The following PLCG2 variants were observed in gnomAD, a reference collection of about 807,000 sequenced individuals.
PLCG2 encodes the protein 1-phosphatidylinositol 4,5-bisphosphate phosphodiesterase gamma-2.
A neutral mutation model predicts 175.6 loss-of-function variants in PLCG2; 69 were observed. That is an observed-to-expected ratio of 0.39 (90% CI 0.32 to 0.48). PLCG2 has a LOEUF of 0.48. Among genes scored for constraint, PLCG2 ranks in the 20% least tolerant of loss-of-function variants. PLCG2 has a pLI of 0.91. For synonymous variants in PLCG2, 827 were observed against 624.0 expected, an observed-to-expected ratio of 1.33 and a Z score of -4.85; for missense variants, 1,798 against 1,650.9, an observed-to-expected ratio of 1.09 and a Z score of -1.54.
chr16:81,881,842 G>C (rs777241487), intron 8 of PLCG2, among the ~76,000 whole-genome samples: 12 of 151,792 alleles, frequency 7.9e-5, no homozygotes, highest in Non-Finnish European at 1.8e-4. Context: ...GGTAGAGATG[G>C]GGTTTCACCA....
chr16:81,883,722 C>G (rs1485660651), intron 9 of PLCG2: 1 of 282,846 alleles, frequency 3.5e-6, no homozygotes, highest in African/African-American at 2.2e-5. Context: ...CCTTCCTTGA[C>G]TGATGGGAGG....
At chr16:81,948,803 G>C (rs1417076349) in intron 31 of PLCG2, among the ~76,000 whole-genome samples, 1 of 152,118 alleles carries the variant, frequency 6.6e-6, no homozygotes, top group African/African-American at 2.4e-5. Flanking sequence ...CATGACCCAA[G>C]AGTGTGACAT....
intron 2 of PLCG2, among the ~76,000 whole-genome samples, chr16:81,822,672 G>A (rs1234840663): frequency 2.1e-5 from 3 of 141,464 alleles, no homozygotes; most frequent in South Asian, 2.3e-4. Context: ...CAGGAGAATC[G>A]CTTGAACCCG....
chr16:81,784,852 G>A (rs1268421861), intron 1 of PLCG2, among the ~76,000 whole-genome samples: 1 of 152,116 alleles, frequency 6.6e-6, no homozygotes, highest in Non-Finnish European at 1.5e-5. Context: ...GGCCTGGGGA[G>A]CGCCTTCACT....
intron 26 of PLCG2, chr16:81,935,689 TC>T (rs1263212245): frequency 3.0e-6 from 3 of 985,204 alleles, no homozygotes; most frequent in Non-Finnish European, 3.6e-6. Context: ...ATGAGGCCTG[TC>T]CCCTTCCCTC....
chr16:81,854,490 A>G lies in PLCG2; in HGVS notation c.240A>G (p.Lys80=). 12 of 1,614,094 alleles carry G rather than the reference A, an allele frequency of 7.4e-6. No homozygotes were observed. Among genetic ancestry groups the G allele is most frequent in the Non-Finnish European group, 1.0e-5 (12 of 1,179,906 alleles). The part of the protein sequence containing the change: ...IKEIRPGKNS[K]DFERAKAVRQ... ...AAATCCGCCCAGGGAAGAACTCCAA[A>G]GATTTCGAGCGAGCAAAAGCAGTTC... Residue 80 remains lysine (K), a synonymous_variant, in exon 3 of 33, where the codon AAA becomes AAG. Coordinates refer to ENST00000564138, the MANE Select transcript of PLCG2 (RefSeq NM_002661.5).
intron 2 of PLCG2, among the ~76,000 whole-genome samples, chr16:81,803,210 A>G (rs568825577): frequency 7.0e-6 from 1 of 142,756 alleles, no homozygotes. Flanking sequence ...GCTCTGCCTC[A>G]TGGGTTCATG....
intron 3 of PLCG2, among the ~76,000 whole-genome samples, chr16:81,857,604 G>A (rs1906749772): frequency 6.6e-6 from 1 of 150,618 alleles, no homozygotes; most frequent in South Asian, 2.1e-4. Flanking sequence ...TTTTCCTCAG[G>A]GTGTGCTTGG....
At position 81,742,163 on chromosome 16, in the gene PLCG2, G is replaced by GT. The variant is rs1295355456; in HGVS notation, c.-145+2778_-145+2779insT. On this transcript the variant is annotated intron_variant, in intron 1 of 5. Coordinates refer to the PLCG2 transcript ENST00000565054. ...GTTACCATTGTGGGGGCGGGGGGGGGGGCGGTGTTGGCTAAAATTGAAAAG... is the reference window on the plus strand; with the variant it reads ...GTTACCATTGTGGGGGCGGGGGGGGGTGGCGGTGTTGGCTAAAATTGAAAAG... 9.6e-4 allele frequency among the ~76,000 whole-genome samples: 132 copies of GT among 137,502 alleles called. 7 individuals are homozygous for GT. Among genetic ancestry groups the GT allele is most frequent in the African/African-American group, 3.3e-3 (122 of 37,232 alleles). The allele number at this position is 137,502 out of a possible 152,430, so 90.2% of individuals were successfully genotyped here.
intron 2 of PLCG2, among the ~76,000 whole-genome samples, chr16:81,806,576 G>C (rs971605165): frequency 6.6e-6 from 1 of 152,060 alleles, no homozygotes; most frequent in East Asian, 1.9e-4. Context: ...TTGAGAGTAG[G>C]AGTCTGCACC....
intron 5 of PLCG2, among the ~76,000 whole-genome samples, chr16:81,865,436 A>C (rs2143513370): frequency 6.6e-6 from 1 of 152,272 alleles, no homozygotes; most frequent in South Asian, 2.1e-4. Context: ...CTAGGAGCCC[A>C]AAGAAGCTCT....
chr16:81,838,098 A>G (rs1044602819), intron 2 of PLCG2, among the ~76,000 whole-genome samples: 3 of 147,410 alleles, frequency 2.0e-5, no homozygotes, highest in African/African-American at 2.5e-5. Context: ...TTTTTTTTTG[A>G]GGCGGAGTCT....
At chr16:81,797,760 G>A (rs551872942) in intron 2 of PLCG2, among the ~76,000 whole-genome samples, 1 of 152,256 alleles carries the variant, frequency 6.6e-6, no homozygotes, top group East Asian at 1.9e-4. Flanking sequence ...TTCCACTCGT[G>A]GTCCTGGCAC....
At position 81,825,299 on chromosome 16, in the gene PLCG2, T is replaced by TTG. The variant is rs1555509896; in HGVS notation, c.194-29144_194-29143insGT. On this transcript the variant is annotated intron_variant, in intron 2 of 32. Transcript: ENST00000564138. ...GATGCTCTAATTTTTTTTTTTTTTT[T>TTG]TTTTTTTGAGACAGAGTCTCACTCT... Among the ~76,000 whole-genome samples the TTG allele has an allele frequency of 6.6e-3, 978 of 147,500 alleles. 12 individuals carry two copies. Among genetic ancestry groups the TTG allele is most frequent in the African/African-American group, 0.021 (822 of 39,902 alleles).
rs144105664 is a variant in PLCG2, at chr16:81,815,325, A to C, written c.193+29143A>C. Among the ~76,000 whole-genome samples, 197 of 152,262 alleles carry C rather than the reference A, an allele frequency of 1.3e-3. 1 individual carries two copies. The highest frequency in any genetic ancestry group is 4.5e-3 in the African/African-American group (187 of 41,550). ...CTCACCAAGGGGTCTCAGCCTCAGC[A>C]GGTTGGCAGCCACACAACACAGTGA... On this transcript the variant is annotated intron_variant, in intron 2 of 32. Coordinates refer to ENST00000564138, the MANE Select transcript of PLCG2 (RefSeq NM_002661.5).
At chr16:81,855,891 G>T (rs1906658237) in intron 3 of PLCG2, among the ~76,000 whole-genome samples, 1 of 152,168 alleles carries the variant, frequency 6.6e-6, no homozygotes, top group Admixed American at 6.5e-5. Flanking sequence ...TGGAGGGGGA[G>T]TTGGTAGAGA....
chr16:81,889,949 C>T lies in PLCG2; in HGVS notation c.867+676C>T, dbSNP rs1333874307. Among the ~76,000 whole-genome samples, 11 of 152,132 alleles carry T rather than the reference C, an allele frequency of 7.2e-5. No individual in the cohort carries two copies. In the East Asian group the frequency reaches 1.7e-3, roughly 24 times the overall value. On this transcript the variant is annotated intron_variant, in intron 10 of 32. Transcript: ENST00000564138. ...GGATTATAGGTGTGAGCCACCGCAC[C>T]TGGCGGAGGCTAGGGTTTTTTTTTA...
At chr16:81,757,341 C>T (rs1909949950) in intron 2 of PLCG2, among the ~76,000 whole-genome samples, 1 of 152,090 alleles carries the variant, frequency 6.6e-6, no homozygotes, top group African/African-American at 2.4e-5. Flanking sequence ...GTAAAAGCCT[C>T]ATAGAAAAAA....
chr16:81,841,923 G>C (rs1203569709), intron 2 of PLCG2, among the ~76,000 whole-genome samples: 1 of 152,364 alleles, frequency 6.6e-6, no homozygotes, highest in East Asian at 1.9e-4. Flanking sequence ...GAAACCACCA[G>C]CAGCTGGGAA....
Sources: allele counts gnomAD v4.1 joint callset (sites outside exome capture counted in the v4.1 genomes callset), GRCh38; gene constraint gnomAD v4.1.1; transcripts MANE v1.5; gene names NCBI Gene and HGNC (gene_info 2026-07-23, HGNC 2026-07-21).